Variants in PACC1 observed in about 807,000 individuals in gnomAD.
PACC1 encodes the protein proton activated chloride channel 1.
A neutral mutation model predicts 39.7 loss-of-function variants in PACC1; 34 were observed. That is an observed-to-expected ratio of 0.86 (90% confidence interval 0.65 to 1.14). The LOEUF (loss-of-function observed/expected upper bound fraction) is 1.14. Among genes scored for constraint, PACC1 ranks in the 50% most tolerant of loss-of-function variants. The pLI is 0.00. For missense variants in PACC1, 379 were observed against 436.4 expected (o/e 0.87, Z 1.17); for synonymous variants, 127 against 160.6 (o/e 0.79, Z 1.58).
chr1:212,410,368 C>A, intron 2 of PACC1, 57 bp downstream of exon 2: 2 of 1,538,464 alleles, frequency 1.3e-6, no homozygotes, highest in African/African-American at 1.4e-5. Flanking sequence ...TGGCAAGGCG[C>A]CTAGACTGGG....
intron 7 of PACC1, among the ~76,000 whole-genome samples, chr1:212,366,459 G>A (rs183670209): frequency 2.3e-3 from 350 of 151,760 alleles, no homozygotes; most frequent in African/African-American, 8.0e-3. Flanking sequence ...TGCCACCACG[G>A]CCGGCTAATT....
At chr1:212,398,133 T>C (rs1661587979) in intron 2 of PACC1, among the ~76,000 whole-genome samples, 1 of 152,198 alleles carries the variant, frequency 6.6e-6, no homozygotes, top group Non-Finnish European at 1.5e-5. Flanking sequence ...GAATGTACCC[T>C]CTACCCTTCA....
intron 2 of PACC1, among the ~76,000 whole-genome samples, chr1:212,403,550 G>A (rs1364454296): frequency 6.6e-6 from 1 of 152,112 alleles, no homozygotes. Flanking sequence ...CTGACCGTAT[G>A]CCAACAACAA....
chr1:212,390,500 A>C (rs1661274423), intron 2 of PACC1, among the ~76,000 whole-genome samples: 1 of 151,650 alleles, frequency 6.6e-6, no homozygotes, highest in Non-Finnish European at 1.5e-5. Flanking sequence ...TCCAGTCTAC[A>C]GCTCCCAGCG....
intron 4 of PACC1, among the ~76,000 whole-genome samples, chr1:212,384,382 A>C (rs1216867085): frequency 6.6e-6 from 1 of 152,144 alleles, no homozygotes. Context: ...GCTCTACAGC[A>C]CGATGCATGT....
chr1:212,365,426 A>C, intron 7 of PACC1, 50 bp from the exon 8 acceptor site: 1 of 967,334 alleles, frequency 1.0e-6, no homozygotes, highest in Non-Finnish European at 1.5e-6. Flanking sequence ...TTCAGTCTTG[A>C]TTCTTTTTTT....
intron 2 of PACC1, among the ~76,000 whole-genome samples, chr1:212,407,335 C>A (rs146539049): frequency 6.6e-6 from 1 of 152,210 alleles, no homozygotes; most frequent in African/African-American, 2.4e-5. Flanking sequence ...AGACCAAGTT[C>A]TCTCCTCAAG....
intron 7 of PACC1, among the ~76,000 whole-genome samples, chr1:212,372,140 C>T (rs1660481172): frequency 6.6e-6 from 1 of 151,984 alleles, no homozygotes; most frequent in Non-Finnish European, 1.5e-5. Context: ...CAAAAATTAG[C>T]TGGGCATGGT....
At chr1:212,375,041 A>G in intron 7 of PACC1, 152 bp downstream of exon 7, 1 of 515,692 alleles carries the variant, frequency 1.9e-6, no homozygotes, top group East Asian at 3.1e-5. Context: ...TGCTATGAAA[A>G]AAGATGAGGA....
At chr1:212,410,175 C>T (rs1393183838) in intron 2 of PACC1, 1 of 467,730 alleles carries the variant, frequency 2.1e-6, no homozygotes, top group East Asian at 3.8e-5. Context: ...AGATCCAAAG[C>T]ATTTGCCATT....
chr1:212,408,533 G>A (rs920819597), intron 2 of PACC1, among the ~76,000 whole-genome samples: 1 of 151,930 alleles, frequency 6.6e-6, no homozygotes, highest in Non-Finnish European at 1.5e-5. Context: ...GCTAATTTTT[G>A]TATTTTTTAG....
At chr1:212,395,861 G>C (rs544532098) in intron 2 of PACC1, among the ~76,000 whole-genome samples, 15 of 152,306 alleles carry the variant, frequency 9.8e-5, no homozygotes, top group African/African-American at 3.4e-4. Flanking sequence ...GGCCATCAGA[G>C]AAATGCAAAT....
rs533952052 is a variant in PACC1, at chr1:212,377,764, C to T, written c.639-58G>A. The T allele has an allele frequency of 2.2e-3, 3,523 of 1,590,722 alleles. 5 individuals are homozygous for T. Among genetic ancestry groups the T allele is most frequent in the Non-Finnish European group, 2.7e-3 (3,185 of 1,167,376 alleles). On this transcript the variant is annotated intron_variant, in intron 5 of 7. Transcript: ENST00000261455. ...TCAATGCAGGTCTGGCAGCAGGAGT[C>T]GAAGCCCCCACTGCAAGCTGGTTTC...
At chr1:212,384,904 G>T (rs780971687) in intron 4 of PACC1, among the ~76,000 whole-genome samples, 4 of 152,266 alleles carry the variant, frequency 2.6e-5, no homozygotes, top group Non-Finnish European at 5.9e-5. Flanking sequence ...ATGGAACCTA[G>T]AAATTCATAT....
chr1:212,394,513 T>G (rs1661441437), intron 2 of PACC1, among the ~76,000 whole-genome samples: 1 of 152,186 alleles, frequency 6.6e-6, no homozygotes, highest in Non-Finnish European at 1.5e-5. Flanking sequence ...GCATTCCCTT[T>G]GAAAACTGGC....
Position 212,365,372 on chromosome 1 carries a change from ACTAT to A in PACC1, c.892_895del (p.Ile298SerfsTer28), listed in dbSNP as rs1660196905. On this transcript the variant is annotated frameshift_variant and splice_region_variant, in exon 8 of 8. Coordinates refer to ENST00000261455, the MANE Select transcript of PACC1 (RefSeq NM_018252.3). LOFTEE classifies it high-confidence loss of function. ...AATTGTGTTCCAAGGATTGGCAGTG[ACTAT>A]CTGTGAAGCAAACAGAAACAAACAG... The A allele has an allele frequency of 6.2e-7, 1 of 1,605,954 alleles. No individual in the cohort carries two copies. The highest frequency in any genetic ancestry group is 1.3e-5 in the African/African-American group (1 of 74,166).
chr1:212,396,359 T>TTC (rs1255553069), intron 2 of PACC1, among the ~76,000 whole-genome samples: 4 of 152,018 alleles, frequency 2.6e-5, no homozygotes, highest in African/African-American at 9.7e-5. Context: ...ACACTGCATG[T>TTC]TCTCACTCAT....
At chr1:212,401,965 G>A (rs991392560) in intron 2 of PACC1, among the ~76,000 whole-genome samples, 61 of 152,058 alleles carry the variant, frequency 4.0e-4, no homozygotes, top group African/African-American at 1.3e-3. Context: ...ATGAGCCACC[G>A]CACCCAGCCA....
chr1:212,368,751 G>C (rs1196034429), intron 7 of PACC1, among the ~76,000 whole-genome samples: 1 of 152,094 alleles, frequency 6.6e-6, no homozygotes, highest in Admixed American at 6.5e-5. Flanking sequence ...CAATGGCCTT[G>C]GCCGGGTGCG....
Sources: allele counts gnomAD v4.1 joint callset (sites outside exome capture counted in the v4.1 genomes callset), GRCh38; gene constraint gnomAD v4.1.1; transcripts MANE v1.5; gene names NCBI Gene and HGNC (gene_info 2026-07-23, HGNC 2026-07-21).